The following UBR4 variants were observed in gnomAD, a reference collection of about 807,000 sequenced individuals.
UBR4 encodes ubiquitin protein ligase E3 component n-recognin 4.
In UBR4, 124 loss-of-function variants were observed where a neutral mutation model predicts 575.6. That is an observed-to-expected ratio of 0.22 (90% confidence interval 0.19 to 0.25). UBR4 has a LOEUF of 0.25. Among genes scored for constraint, UBR4 ranks in the 10% least tolerant of loss-of-function variants. The pLI, the probability that UBR4 is intolerant of heterozygous loss-of-function variation, is 1.00. For synonymous variants in UBR4, 2,455 were observed against 2,473.7 expected (o/e 0.99, Z 0.22); for missense variants, 4,818 against 6,478.8 (o/e 0.74, Z 8.80).
At chr1:19,128,367 C>A in intron 61 of UBR4, 49 bp from the exon 62 acceptor site, 1 of 1,526,760 alleles carries the variant, frequency 6.5e-7, no homozygotes, top group Non-Finnish European at 9.1e-7. Flanking sequence ...TAAAGAAGAA[C>A]GACTTGAAAT....
At chr1:19,147,078 C>A in intron 51 of UBR4, 78 bp from the exon 52 acceptor site, 1 of 1,461,588 alleles carries the variant, frequency 6.8e-7, no homozygotes, top group South Asian at 1.5e-5. Flanking sequence ...GAAAAGCTGG[C>A]AGATCACCAG....
chr1:19,105,670 G>T, intron 84 of UBR4, 63 bp downstream of exon 84: 1 of 1,255,160 alleles, frequency 8.0e-7, no homozygotes, highest in Non-Finnish European at 1.1e-6. Flanking sequence ...GGATTCCCCG[G>T]GGAAGATGAA....
chr1:19,155,440 C>A lies in UBR4; in HGVS notation c.6300+1G>T. 1 of 1,613,536 alleles carries A rather than the reference C, an allele frequency of 6.2e-7. No homozygotes were observed. Among genetic ancestry groups the A allele is most frequent in the Non-Finnish European group, 8.5e-7 (1 of 1,179,732 alleles). On this transcript the variant is annotated splice_donor_variant, in intron 43 of 105. Coordinates refer to ENST00000375254, the MANE Select transcript of UBR4 (RefSeq NM_020765.3). LOFTEE classifies it high-confidence loss of function. ...AAGGAAATAGCAACATGTGCTCTAA[C>A]CTTCAGGTCCTCATGATTGATTTCC...
rs538669435 is a variant in UBR4, at chr1:19,158,001, G to A, written c.5578-4C>T. On this transcript the variant is annotated splice_region_variant and splice_polypyrimidine_tract_variant and intron_variant, in intron 39 of 105. Transcript: ENST00000375254. ...CCTGGGACCCTAAGGTGGGAACCTG[G>A]CAAAGAAGGAAGCAGAGAAAGTGGG... The A allele has an allele frequency of 5.0e-6, 8 of 1,604,922 alleles. No homozygotes were observed. The highest frequency in any genetic ancestry group is 1.7e-5 in the Admixed American group (1 of 59,756).
chr1:19,117,983 G>T lies in UBR4; in HGVS notation c.10542-73C>A. On this transcript the variant is annotated intron_variant, in intron 71 of 105. Coordinates refer to ENST00000375254, the MANE Select transcript of UBR4 (RefSeq NM_020765.3). This position sits in a 1 kb window ranked among gnomAD's most constrained non-coding sequence, Gnocchi z 4.0. Reference sequence around the variant, plus strand: ...GCACTGAGTTTCACAAAAAAATCATGACAAAGCCATGGCTCAATGTGAGCC... The same window carrying T: ...GCACTGAGTTTCACAAAAAAATCATTACAAAGCCATGGCTCAATGTGAGCC... 6.8e-7 allele frequency: 1 copy of T among 1,470,878 alleles called. No homozygotes were observed. Among genetic ancestry groups the T allele is most frequent in the Non-Finnish European group, 9.5e-7 (1 of 1,053,536 alleles). 91.1% of individuals were successfully genotyped at this position (1,470,878 alleles called of 1,614,324 possible).
chr1:19,141,317 G>A, intron 57 of UBR4, 30 bp downstream of exon 57: 1 of 1,614,018 alleles, frequency 6.2e-7, no homozygotes, highest in South Asian at 1.1e-5. Flanking sequence ...AAGGCCAATG[G>A]GCCGCTTTGT....
intron 1 of UBR4, among the ~76,000 whole-genome samples, chr1:19,204,529 A>T (rs1174250928): frequency 1.5e-4 from 21 of 142,904 alleles, no homozygotes; most frequent in East Asian, 1.2e-3. Flanking sequence ...GAAATATATA[A>T]AAAAAAATAT....
chr1:19,124,852 G>T (rs1477278738), intron 64 of UBR4, among the ~76,000 whole-genome samples, 162 bp from the exon 65 acceptor site: 1 of 152,144 alleles, frequency 6.6e-6, no homozygotes, highest in African/African-American at 2.4e-5. Flanking sequence ...TATAAACCCA[G>T]AAGGCCCAGG....
intron 100 of UBR4, 61 bp from the exon 101 acceptor site, chr1:19,086,331 T>C (rs2148694308): frequency 4.1e-5 from 1 of 24,160 alleles, no homozygotes. Context: ...ACCAGGCACC[T>C]GGGCGGGGGG....
At chr1:19,156,658 T>A in intron 41 of UBR4, 109 bp downstream of exon 41, 1 of 1,472,186 alleles carries the variant, frequency 6.8e-7, no homozygotes, top group Non-Finnish European at 9.1e-7. Flanking sequence ...CAGTAGGTTT[T>A]AAATTTTAAT....
intron 14 of UBR4, among the ~76,000 whole-genome samples, chr1:19,186,137 T>G (rs2151281678): frequency 6.6e-6 from 1 of 152,310 alleles, no homozygotes; most frequent in East Asian, 1.9e-4. Flanking sequence ...ATTAGGTTTC[T>G]CTACTCAAGC....
chr1:19,134,380 T>A (rs944994863), intron 60 of UBR4, among the ~76,000 whole-genome samples: 3 of 152,082 alleles, frequency 2.0e-5, no homozygotes, highest in Non-Finnish European at 4.4e-5. Flanking sequence ...TTAGCTATGA[T>A]TGTGCATACC....
At chr1:19,133,854 G>A (rs1475509971) in intron 60 of UBR4, among the ~76,000 whole-genome samples, 3 of 152,014 alleles carry the variant, frequency 2.0e-5, no homozygotes, top group African/African-American at 7.2e-5. Context: ...CAAGGTGGGT[G>A]GATCACCTGA....
At position 19,138,093 on chromosome 1, in the gene UBR4, G is replaced by T; in HGVS notation, c.8820C>A (p.Ile2940=). Residue 2940 remains isoleucine (I), a synonymous_variant, in exon 60 of 106, where the codon ATC becomes ATA. Transcript: ENST00000375254. Reference sequence around the variant, plus strand: ...CCTCCTGGTGCCCAGTGGTGGTGCTGATGGCTCCAGTGCTTGAGCTGACAC... The same window carrying T: ...CCTCCTGGTGCCCAGTGGTGGTGCTTATGGCTCCAGTGCTTGAGCTGACAC... ...PGSVSSSTGA[I]STTTGHQEGD... The T allele has an allele frequency of 2.5e-6, 4 of 1,598,500 alleles. No individual in the cohort carries two copies. Among genetic ancestry groups the T allele is most frequent in the Non-Finnish European group, 3.4e-6 (4 of 1,170,976 alleles).
At position 19,183,907 on chromosome 1, in the gene UBR4, A is replaced by G; in HGVS notation, c.2099-11T>C. On this transcript the variant is annotated splice_polypyrimidine_tract_variant and intron_variant, in intron 16 of 105. Transcript: ENST00000375254. ...CTTCATCTGATGAACCTTAAAGACA[A>G]GTAGAAAAGCCAATTATTTAAGCAG... The G allele has an allele frequency of 1.9e-6, 3 of 1,614,054 alleles. No homozygotes were observed. The highest frequency in any genetic ancestry group is 2.5e-6 in the Non-Finnish European group (3 of 1,179,964).
At position 19,117,987 on chromosome 1, in the gene UBR4, A is replaced by C; in HGVS notation, c.10542-77T>G. On this transcript the variant is annotated intron_variant, in intron 71 of 105. Transcript: ENST00000375254. The surrounding 1 kb of genome is among the most constrained non-coding windows in gnomAD (Gnocchi z 4.0). ...TGAGTTTCACAAAAAAATCATGACA[A>C]AGCCATGGCTCAATGTGAGCCAAAG... 7.0e-7 allele frequency: 1 copy of C among 1,419,328 alleles called. No individual in the cohort carries two copies. The highest frequency in any genetic ancestry group is 9.9e-7 in the Non-Finnish European group (1 of 1,008,204). The allele number at this position is 1,419,328 out of a possible 1,614,324, so 87.9% of individuals were successfully genotyped here. A position where few individuals can be genotyped will look rare whatever the true frequency, so the allele number is the denominator to read the frequency against.
chr1:19,075,258 T>C (rs2075810253), intron 105 of UBR4: 2 of 297,738 alleles, frequency 6.7e-6, no homozygotes, highest in African/African-American at 2.2e-5. Flanking sequence ...GCTCTGGCTC[T>C]CCCTGGCTGC....
chr1:19,142,945 A>C (rs1474658798), intron 55 of UBR4, among the ~76,000 whole-genome samples: 2 of 152,006 alleles, frequency 1.3e-5, no homozygotes, highest in African/African-American at 4.8e-5. Context: ...AACATGGTGA[A>C]ACCCTGTCTC....
chr1:19,133,889 G>A (rs990997080), intron 60 of UBR4, among the ~76,000 whole-genome samples: 6 of 152,082 alleles, frequency 3.9e-5, no homozygotes, highest in Admixed American at 6.5e-5. Context: ...GACCAGCCTC[G>A]TCAACATGAC....
Sources: allele counts gnomAD v4.1 joint callset (sites outside exome capture counted in the v4.1 genomes callset), GRCh38; gene constraint gnomAD v4.1.1; non-coding constraint Gnocchi (gnomAD v3.1); transcripts MANE v1.5; gene names NCBI Gene and HGNC (gene_info 2026-07-23, HGNC 2026-07-21).